CEP63: variants seen among roughly 807,000 people sequenced by gnomAD.
CEP63 encodes the protein centrosomal protein of 63 kDa.
A neutral mutation model predicts 89.1 loss-of-function variants in CEP63; 84 were observed. That is an observed-to-expected ratio of 0.94 (90% CI 0.79 to 1.13). The LOEUF (loss-of-function observed/expected upper bound fraction) is 1.13. Among genes scored for constraint, CEP63 ranks in the 50% most tolerant of loss-of-function variants. The probability of loss-of-function intolerance (pLI) is 0.00; values close to 1 mark genes in which losing one functional copy is unlikely to be tolerated. For missense variants in CEP63, 838 were observed against 813.3 expected, an observed-to-expected ratio of 1.03 and a Z score of -0.37; for synonymous variants, 267 against 272.5, an observed-to-expected ratio of 0.98 and a Z score of 0.20.
the CEP63 span, among the ~76,000 whole-genome samples, chr3:134,635,532 A>G: frequency 8.6e-5 from 13 of 151,500 alleles, no homozygotes; most frequent in African/African-American, 2.4e-4. Context: ...TCAACAATAC[A>G]AAGGAACTCT....
the CEP63 span, among the ~76,000 whole-genome samples, chr3:134,649,821 A>G: frequency 5.8e-4 from 88 of 152,368 alleles, no homozygotes; most frequent in African/African-American, 2.1e-3. Context: ...TGGATGTTCA[A>G]TGAGCACAGA....
chr3:134,662,339 A>G, the CEP63 span, among the ~76,000 whole-genome samples: 1 of 152,062 alleles, frequency 6.6e-6, no homozygotes, highest in Non-Finnish European at 1.5e-5. Context: ...CTCAACAAAC[A>G]CAGAATTTGC....
the CEP63 span, among the ~76,000 whole-genome samples, chr3:134,742,008 G>GTGTGTC: frequency 6.6e-6 from 1 of 152,104 alleles, no homozygotes; most frequent in Non-Finnish European, 1.5e-5. Context: ...GTGTGTGTGT[G>GTGTGTC]TGTGTGCACT....
At chr3:134,619,212 C>T in the CEP63 span, 1 of 1,613,952 alleles carries the variant, frequency 6.2e-7, no homozygotes, top group Non-Finnish European at 8.5e-7. Context: ...CGCAGGATGT[C>T]AGTGGGTTTG....
At position 134,564,015 on chromosome 3, in the gene CEP63, A is replaced by T. The variant is rs188515586; in HGVS notation, c.*2480A>T. On this transcript the variant is annotated 3_prime_UTR_variant, in exon 15 of 15. Coordinates refer to ENST00000675561, the MANE Select transcript of CEP63 (RefSeq NM_001353108.3). Reference sequence around the variant, plus strand: ...AGCCTTCTTTGATTGCTGCCTCCCAAACCTGTTTCTCCCCATTTCTCTAGC... The same window carrying T: ...AGCCTTCTTTGATTGCTGCCTCCCATACCTGTTTCTCCCCATTTCTCTAGC... 467 of 152,800 alleles carry T rather than the reference A, an allele frequency of 3.1e-3. 4 individuals carry two copies. The highest frequency in any genetic ancestry group is 0.01 in the African/African-American group (430 of 41,500). 9.5% of individuals were successfully genotyped at this position (152,800 alleles called of 1,614,324 possible). A position where few individuals can be genotyped will look rare whatever the true frequency, so the allele number is the denominator to read the frequency against.
chr3:134,493,751 A>G (rs919955977), intron 1 of CEP63, among the ~76,000 whole-genome samples: 2 of 152,140 alleles, frequency 1.3e-5, no homozygotes, highest in African/African-American at 2.4e-5. Flanking sequence ...ATACTAGACT[A>G]TTAATACCTT....
In CEP63 at chr3:134,516,123, G is replaced by GT. The variant is rs112548689; in HGVS notation, c.222+8840dup. ...TAGTATTTATTGATCATTCTTGGGT[G>GT]TTTCTCGGAGAGGGGGATGTGGCAG... On this transcript the variant is annotated intron_variant, in intron 3 of 14. Coordinates refer to ENST00000675561, the MANE Select transcript of CEP63 (RefSeq NM_001353108.3). 1.7e-3 allele frequency among the ~76,000 whole-genome samples: 254 copies of GT among 152,290 alleles called. 1 individual carries two copies. The highest frequency in any genetic ancestry group is 5.9e-3 in the African/African-American group (245 of 41,548).
the CEP63 span, among the ~76,000 whole-genome samples, chr3:134,654,750 T>C: frequency 6.6e-6 from 1 of 152,188 alleles, no homozygotes; most frequent in Non-Finnish European, 1.5e-5. Flanking sequence ...CAAGACCCTG[T>C]GGGGAGGGTC....
chr3:134,704,842 T>C, the CEP63 span, among the ~76,000 whole-genome samples: 1 of 152,182 alleles, frequency 6.6e-6, no homozygotes, highest in Non-Finnish European at 1.5e-5. Flanking sequence ...CTATGGCTTG[T>C]TGAAGAGGTG....
At chr3:134,553,003 TA>T (rs1369950192) in intron 12 of CEP63, 1 of 152,172 alleles carries the variant, frequency 6.6e-6, no homozygotes, top group Admixed American at 6.6e-5. Flanking sequence ...GATGCTCTTT[TA>T]ACTGTTTTGT....
chr3:134,749,998 G>A, the CEP63 span, among the ~76,000 whole-genome samples: 3 of 152,216 alleles, frequency 2.0e-5, no homozygotes, highest in African/African-American at 4.8e-5. Flanking sequence ...CAGTATGTGA[G>A]CTTGGCATTG....
chr3:134,640,805 A>C, the CEP63 span, among the ~76,000 whole-genome samples: 3 of 152,042 alleles, frequency 2.0e-5, no homozygotes, highest in African/African-American at 7.2e-5. Flanking sequence ...GTATACCCCA[A>C]ATCCACACCA....
At chr3:134,576,170 A>G (rs938612531), downstream of CEP63, among the ~76,000 whole-genome samples, 1 of 152,144 alleles carries the variant, frequency 6.6e-6, no homozygotes, top group Non-Finnish European at 1.5e-5. Flanking sequence ...AAGCCCTGGT[A>G]TGGTTTCTGG....
intron 11 of CEP63, among the ~76,000 whole-genome samples, chr3:134,571,918 G>A (rs570726269): frequency 1.3e-5 from 2 of 152,330 alleles, no homozygotes; most frequent in African/African-American, 4.8e-5. Flanking sequence ...CAATTGTAAT[G>A]AGCTATGAAA....
downstream of CEP63, among the ~76,000 whole-genome samples, chr3:134,568,874 G>A (rs759158164): frequency 6.6e-6 from 1 of 152,152 alleles, no homozygotes; most frequent in Non-Finnish European, 1.5e-5. Flanking sequence ...ACATACCTGA[G>A]ACTGGGTGAT....
chr3:134,626,386 T>A, the CEP63 span, among the ~76,000 whole-genome samples: 2 of 152,216 alleles, frequency 1.3e-5, no homozygotes, highest in East Asian at 3.9e-4. Flanking sequence ...TGGGAGGGAC[T>A]GGACCCAGCC....
chr3:134,673,670 A>T, the CEP63 span, among the ~76,000 whole-genome samples: 1 of 152,014 alleles, frequency 6.6e-6, no homozygotes, highest in South Asian at 2.1e-4. Context: ...TCTCTGGAAC[A>T]CCTGAAACCT....
At chr3:134,642,451 GAGAGTCTC>G in the CEP63 span, among the ~76,000 whole-genome samples, 2 of 152,320 alleles carry the variant, frequency 1.3e-5, no homozygotes, top group East Asian at 3.9e-4. Flanking sequence ...AGGTGGGCGT[GAGAGTCTC>G]TAACCTGGCC....
chr3:134,548,622 T>C (rs1267617976), intron 9 of CEP63, among the ~76,000 whole-genome samples: 1 of 152,210 alleles, frequency 6.6e-6, no homozygotes, highest in African/African-American at 2.4e-5. Flanking sequence ...AAGAGAAATA[T>C]CATTTTACAC....
Sources: allele counts gnomAD v4.1 joint callset (sites outside exome capture counted in the v4.1 genomes callset), GRCh38; gene constraint gnomAD v4.1.1; transcripts MANE v1.5; gene names NCBI Gene and HGNC (gene_info 2026-07-23, HGNC 2026-07-21).